TCERG1: variants seen among roughly 807,000 people sequenced by gnomAD.
TCERG1 encodes transcription elongation regulator 1.
Under a neutral mutation model 144.7 loss-of-function variants are expected in TCERG1, and 37 were observed. The ratio of observed to expected loss-of-function variants is 0.26; its 90% CI spans 0.20 to 0.34. TCERG1 has a LOEUF of 0.34. Ranked by LOEUF, TCERG1 falls within the 10% of genes least tolerant of loss-of-function variation. TCERG1 has a pLI of 1.00. For synonymous variants in TCERG1, 492 were observed against 458.2 expected, an observed-to-expected ratio of 1.07 and a Z score of -0.94; for missense variants, 1,027 against 1,380.7, an observed-to-expected ratio of 0.74 and a Z score of 4.06.
At chr5:146,483,010 G>A (rs1398080291) in intron 14 of TCERG1, among the ~76,000 whole-genome samples, 1 of 152,076 alleles carries the variant, frequency 6.6e-6, no homozygotes, top group Non-Finnish European at 1.5e-5. Flanking sequence ...ATTACAGAAT[G>A]GCGGACTGCT....
intron 9 of TCERG1, among the ~76,000 whole-genome samples, chr5:146,476,767 G>A (rs1764880766): frequency 6.6e-6 from 1 of 152,208 alleles, no homozygotes; most frequent in East Asian, 1.9e-4. Context: ...CTTCAGATGA[G>A]ATAGTTAATT....
chr5:146,505,198 C>T (rs537265120), intron 19 of TCERG1, among the ~76,000 whole-genome samples: 2 of 152,146 alleles, frequency 1.3e-5, no homozygotes, highest in East Asian at 1.9e-4. Flanking sequence ...GCCTGTGGGC[C>T]ACGGGTTGGA....
chr5:146,492,180 C>G (rs1336640511), intron 15 of TCERG1, among the ~76,000 whole-genome samples: 1 of 152,152 alleles, frequency 6.6e-6, no homozygotes, highest in Non-Finnish European at 1.5e-5. Flanking sequence ...CCATCCTCAC[C>G]TCCATAGGTA....
intron 16 of TCERG1, among the ~76,000 whole-genome samples, chr5:146,495,363 T>C (rs879326922): frequency 6.6e-6 from 1 of 152,204 alleles, no homozygotes; most frequent in Non-Finnish European, 1.5e-5. Context: ...GCCCAACCTG[T>C]AGTTGCTTTT....
chr5:146,503,039 C>G (rs1012515612), intron 17 of TCERG1: 5 of 153,356 alleles, frequency 3.3e-5, no homozygotes, highest in African/African-American at 9.7e-5. Flanking sequence ...AATTTATATT[C>G]CCTATGAATA....
chr5:146,493,937 T>C (rs922467650), intron 16 of TCERG1, among the ~76,000 whole-genome samples: 16 of 152,132 alleles, frequency 1.1e-4, no homozygotes, highest in African/African-American at 3.4e-4. Flanking sequence ...CTTATATAAA[T>C]AGTTAATTTT....
chr5:146,486,030 A>C (rs1402065770), intron 15 of TCERG1, among the ~76,000 whole-genome samples: 3 of 152,216 alleles, frequency 2.0e-5, no homozygotes, highest in Non-Finnish European at 2.9e-5. Flanking sequence ...TCTCTCAACA[A>C]TCAGAATGTA....
At position 146,509,234 on chromosome 5, in the gene TCERG1, T is replaced by C; in HGVS notation, c.3135T>C (p.Phe1045=). 6.2e-7 allele frequency: 1 copy of C among 1,605,468 alleles called. No homozygotes were observed. The highest frequency in any genetic ancestry group is 2.2e-5 in the East Asian group (1 of 44,694). The change falls in exon 22 of 23, where the codon TTT becomes TTC. Residue 1045 remains phenylalanine (F), a synonymous_variant. Transcript: ENST00000679501. Reference sequence around the variant, plus strand: ...GGACGCTTTTGAAAGAGACCAAATTTATAACATATAGGTGTGTGCAATGAA... The same window carrying C: ...GGACGCTTTTGAAAGAGACCAAATTCATAACATATAGGTGTGTGCAATGAA... ...DFRTLLKETK[F]ITYRSKKLIQ... is the part of the protein sequence containing the mutation.
At chr5:146,493,253 T>C (rs1355200559) in intron 16 of TCERG1, among the ~76,000 whole-genome samples, 1 of 152,106 alleles carries the variant, frequency 6.6e-6, no homozygotes, top group African/African-American at 2.4e-5. Flanking sequence ...TTGATTTAAG[T>C]GCTTCCCTAT....
intron 15 of TCERG1, among the ~76,000 whole-genome samples, chr5:146,491,753 T>C (rs750125293): frequency 1.3e-5 from 2 of 152,182 alleles, no homozygotes; most frequent in Non-Finnish European, 2.9e-5. Flanking sequence ...TCAGCAAATT[T>C]TTAAGAGTCA....
At chr5:146,479,463 A>G (rs943867230) in intron 10 of TCERG1, among the ~76,000 whole-genome samples, 10 of 152,182 alleles carry the variant, frequency 6.6e-5, no homozygotes, top group Non-Finnish European at 1.3e-4. Flanking sequence ...TAGGTATGAT[A>G]ATAATACTTT....
chr5:146,481,691 A>G (rs1765376160), intron 13 of TCERG1: 1 of 152,216 alleles, frequency 6.6e-6, no homozygotes, highest in Non-Finnish European at 1.5e-5. Flanking sequence ...TATACTTAGC[A>G]GATCATATTT....
intron 17 of TCERG1, chr5:146,499,765 T>C (rs1413392023): frequency 6.6e-6 from 1 of 152,242 alleles, no homozygotes; most frequent in Non-Finnish European, 1.5e-5. Context: ...CATTTGTAAC[T>C]GATTTTCTTT....
At position 146,482,689 on chromosome 5, in the gene TCERG1, C is replaced by G. The variant is rs757418960; in HGVS notation, c.2035C>G (p.Arg679Gly). 2 of 1,612,660 alleles carry G rather than the reference C, an allele frequency of 1.2e-6. No homozygotes were observed. The highest frequency in any genetic ancestry group is 1.7e-6 in the Non-Finnish European group (2 of 1,179,306). ...RERAIVPLEA[R>G]MKQFKDMLLE... ...AAGGGCCATTGTCCCTCTGGAGGCT[C>G]GAATGAAGCAGTTCAAGGACATGCT... Residue 679 changes from arginine to glycine, a missense_variant, in exon 14 of 23, where the codon CGA becomes GGA. Transcript: ENST00000679501.
intron 13 of TCERG1, chr5:146,482,009 G>A (rs1299847831): frequency 6.6e-6 from 1 of 152,120 alleles, no homozygotes; most frequent in East Asian, 1.9e-4. Context: ...CAGAAAGTGA[G>A]TAATAAAAAG....
At chr5:146,503,660 T>C in intron 18 of TCERG1, 121 bp downstream of exon 18, 2 of 1,389,652 alleles carry the variant, frequency 1.4e-6, no homozygotes, top group East Asian at 2.4e-5. Flanking sequence ...TTAGTATTCT[T>C]AACATAAGAG....
chr5:146,460,346 C>CT (rs1011514887), intron 4 of TCERG1, among the ~76,000 whole-genome samples: 166 of 142,558 alleles, frequency 1.2e-3, no homozygotes, highest in East Asian at 5.5e-3. Flanking sequence ...TTTCTTTTTT[C>CT]TTTTTTTTTT....
chr5:146,465,858 A>G (rs942500213), intron 5 of TCERG1, among the ~76,000 whole-genome samples: 1 of 152,016 alleles, frequency 6.6e-6, no homozygotes, highest in South Asian at 2.1e-4. Context: ...GAGAAACCCC[A>G]TCTCTACTAA....
chr5:146,493,973 G>A (rs1443112883), intron 16 of TCERG1, among the ~76,000 whole-genome samples: 2 of 152,040 alleles, frequency 1.3e-5, no homozygotes, highest in African/African-American at 4.8e-5. Context: ...AAAGAGTGAT[G>A]TTGTTTAAGA....
Sources: allele counts gnomAD v4.1 joint callset (sites outside exome capture counted in the v4.1 genomes callset), GRCh38; gene constraint gnomAD v4.1.1; transcripts MANE v1.5; gene names NCBI Gene and HGNC (gene_info 2026-07-23, HGNC 2026-07-21).